Variants in XKR6 observed in about 807,000 individuals in gnomAD.
The protein encoded by XKR6 is XK related 6, also known as XK-related protein 6.
Under a neutral mutation model 56.7 loss-of-function variants are expected in XKR6, and 22 were observed. The observed-to-expected ratio is 0.39, with a 90% CI of 0.28 to 0.55. XKR6 has a LOEUF of 0.55. Ranked by LOEUF, XKR6 falls within the 20% of genes least tolerant of loss-of-function variation. The probability of loss-of-function intolerance (pLI) is 0.66; values close to 1 mark genes in which losing one functional copy is unlikely to be tolerated. For synonymous variants in XKR6, 524 were observed against 387.8 expected (o/e 1.35, Z -4.13); for missense variants, 852 against 889.0 (o/e 0.96, Z 0.53).
intron 1 of XKR6, among the ~76,000 whole-genome samples, chr8:10,927,624 C>A (rs1800930775): frequency 6.6e-6 from 1 of 152,132 alleles, no homozygotes; most frequent in Non-Finnish European, 1.5e-5. Context: ...CCAGTTCTAC[C>A]CTTCCACGCC....
At chr8:11,064,691 A>G (rs1799932149) in intron 1 of XKR6, among the ~76,000 whole-genome samples, 3 of 152,148 alleles carry the variant, frequency 2.0e-5, no homozygotes, top group African/African-American at 4.8e-5. Context: ...TAATTCTTCC[A>G]CTTCCGAAAA....
rs371329294 is a variant in XKR6, at chr8:10,898,234, C to T, written c.1644G>A (p.Thr548=). 24 of 1,614,010 alleles carry T rather than the reference C, an allele frequency of 1.5e-5. No individual in the cohort carries two copies. The highest frequency in any genetic ancestry group is 6.7e-5 in the African/African-American group (5 of 74,908). The change falls in exon 3 of 3, where the codon ACG becomes ACA. Residue 548 remains threonine (T), a synonymous_variant. Transcript: ENST00000416569. This position sits in a 1 kb window ranked among gnomAD's most constrained non-coding sequence, Gnocchi z 6.6. ...GTQVTPTRAV[T]EQQEDLTADT... ...CAGCCGTGAGATCCTCCTGTTGTTC[C>T]GTTACGGCTCTGGTGGGCGTAACCT...
At chr8:11,116,125 C>T (rs148762779) in intron 1 of XKR6, among the ~76,000 whole-genome samples, 13 of 152,276 alleles carry the variant, frequency 8.5e-5, no homozygotes, top group African/African-American at 3.1e-4. Context: ...TTGCTGCATT[C>T]AAATTTTAAA....
At chr8:11,074,286 G>A (rs997935390) in intron 1 of XKR6, among the ~76,000 whole-genome samples, 1 of 152,154 alleles carries the variant, frequency 6.6e-6, no homozygotes, top group Non-Finnish European at 1.5e-5. Flanking sequence ...CCGTTTCCCG[G>A]CCTTGGGTCT....
At chr8:11,090,457 A>C (rs1798030401) in intron 1 of XKR6, among the ~76,000 whole-genome samples, 1 of 151,934 alleles carries the variant, frequency 6.6e-6, no homozygotes, top group Non-Finnish European at 1.5e-5. Flanking sequence ...GCAATGTTGG[A>C]AAGGATAGTC....
intron 1 of XKR6, among the ~76,000 whole-genome samples, chr8:11,069,030 A>G: frequency 6.6e-6 from 1 of 151,738 alleles, no homozygotes; most frequent in Non-Finnish European, 1.5e-5. Flanking sequence ...GCTAACTTAC[A>G]AGAGTGATTA....
chr8:11,183,919 T>C (rs555823373), intron 1 of XKR6, among the ~76,000 whole-genome samples: 2 of 152,340 alleles, frequency 1.3e-5, no homozygotes, highest in African/African-American at 4.8e-5. Context: ...TGGAGCATGC[T>C]TTATACAATG....
intron 1 of XKR6, among the ~76,000 whole-genome samples, chr8:11,185,507 G>C (rs996935887): frequency 3.9e-5 from 6 of 152,134 alleles, no homozygotes; most frequent in Non-Finnish European, 5.9e-5. Flanking sequence ...ATTTCTAAAT[G>C]TACGTACAAT....
At chr8:11,143,266 G>C (rs2116943341) in intron 1 of XKR6, among the ~76,000 whole-genome samples, 1 of 152,324 alleles carries the variant, frequency 6.6e-6, no homozygotes, top group East Asian at 1.9e-4. Flanking sequence ...CTCTCATGAA[G>C]ATCAGCAGTA....
intron 1 of XKR6, chr8:11,138,662 A>C (rs1036828764): frequency 1.3e-5 from 2 of 152,186 alleles, no homozygotes; most frequent in Non-Finnish European, 2.9e-5. Context: ...GTTTTTTTAA[A>C]TAATCAGTTT....
intron 1 of XKR6, among the ~76,000 whole-genome samples, chr8:11,055,469 G>A (rs745526658): frequency 2.4e-4 from 37 of 152,202 alleles, no homozygotes; most frequent in Non-Finnish European, 5.1e-4. Context: ...GGCAGGTCAA[G>A]GGGTGTCTTT....
chr8:10,947,447 G>C (rs2129125877), intron 1 of XKR6, among the ~76,000 whole-genome samples: 1 of 152,232 alleles, frequency 6.6e-6, no homozygotes, highest in South Asian at 2.1e-4. Flanking sequence ...GGGCATGGTT[G>C]GGGTCACCCT....
chr8:11,137,377 G>C (rs1416357118), intron 1 of XKR6: 5 of 338,806 alleles, frequency 1.5e-5, no homozygotes, highest in Admixed American at 4.2e-5. Context: ...CAGGATAATA[G>C]AAATCTTTCT....
chr8:11,022,129 C>T (rs1300262827), intron 1 of XKR6, among the ~76,000 whole-genome samples: 1 of 148,844 alleles, frequency 6.7e-6, no homozygotes, highest in Non-Finnish European at 1.5e-5. Context: ...AGTCCACAGA[C>T]AGTGCATCCT....
rs367855192 is a variant in XKR6, at chr8:11,019,151, G to A, written c.765-94321C>T. On this transcript the variant is annotated intron_variant, in intron 1 of 2. Transcript: ENST00000416569. ...CTGTCATCTCCATGGCCTGGGGCCC[G>A]TAAAAGACCAACATGTTTCACTCAC... Among the ~76,000 whole-genome samples the A allele has an allele frequency of 8.5e-5, 13 of 152,282 alleles. No individual in the cohort carries two copies. The East Asian group carries it at 9.6e-4, about 11-fold the overall frequency.
chr8:11,012,084 G>C (rs1798512837), intron 1 of XKR6, among the ~76,000 whole-genome samples: 1 of 152,200 alleles, frequency 6.6e-6, no homozygotes, highest in African/African-American at 2.4e-5. Flanking sequence ...CAACAGGCAG[G>C]GCCTCGCAGT....
At chr8:10,984,166 A>T (rs976266604) in intron 1 of XKR6, among the ~76,000 whole-genome samples, 3 of 152,198 alleles carry the variant, frequency 2.0e-5, no homozygotes, top group Non-Finnish European at 4.4e-5. Flanking sequence ...TAGAAAACCT[A>T]TTACCATAAC....
rs1455194600 is a variant in XKR6 at position 10,899,197 on chromosome 8, G to A, written c.962-281C>T. On this transcript the variant is annotated intron_variant, in intron 2 of 2. Coordinates refer to ENST00000416569, the MANE Select transcript of XKR6 (RefSeq NM_173683.4). ...GTGTTTTGCTAGGGGGCTGAGAGGT[G>A]GGGCCACGTCTGCCATGGGCAGCCC... is the stretch of plus-strand genomic sequence containing the variant. Among the ~76,000 whole-genome samples, 3 of 152,208 alleles carry A rather than the reference G, an allele frequency of 2.0e-5. No individual in the cohort carries two copies. The East Asian group carries it at 5.8e-4, about 29-fold the overall frequency.
chr8:10,907,830 G>A (rs1800224716), intron 2 of XKR6, among the ~76,000 whole-genome samples: 1 of 152,206 alleles, frequency 6.6e-6, no homozygotes, highest in Non-Finnish European at 1.5e-5. Flanking sequence ...CCACCCCGCG[G>A]AGGCCCTGCC....
Sources: gnomAD v4.1 joint callset for allele counts (sites outside exome capture counted in the v4.1 genomes callset) on GRCh38, gnomAD v4.1.1 for gene constraint, Gnocchi (gnomAD v3.1) non-coding constraint, MANE v1.5 for transcripts, NCBI Gene and HGNC (gene_info 2026-07-23, HGNC 2026-07-21) for gene names.